Variants in WDR91 observed in about 807,000 individuals in gnomAD.
WDR91 encodes the protein WD repeat domain 91.
WDR91 carries 52 observed loss-of-function variants against 88.4 expected under a neutral mutation model. That is an observed-to-expected ratio of 0.59 (90% CI 0.47 to 0.74). The LOEUF (loss-of-function observed/expected upper bound fraction) is 0.74, where lower values mean the gene tolerates loss of function less well. WDR91 is among the 30% of genes least tolerant of loss of function. WDR91 has a pLI of 0.00. For missense variants in WDR91, 824 were observed against 954.5 expected (o/e 0.86, Z 1.80); for synonymous variants, 362 against 389.5 (o/e 0.93, Z 0.83).
chr7:135,208,856 C>CGAGAAAAGTAGGTAGCAAA lies in WDR91; in HGVS notation c.427_445dup (p.Arg149LeufsTer11). 1 of 1,614,078 alleles carries CGAGAAAAGTAGGTAGCAAA rather than the reference C, an allele frequency of 6.2e-7. No individual in the cohort carries two copies. The highest frequency in any genetic ancestry group is 8.5e-7 in the Non-Finnish European group (1 of 1,179,982). On this transcript the variant is annotated frameshift_variant, in exon 3 of 15. Transcript: ENST00000354475. LOFTEE classifies it high-confidence loss of function. ...CACAATGAAGGTGTCAGCCCACTGT[C>CGAGAAAAGTAGGTAGCAAA]GAGAAAAGTAGGTAGCAAAGGTGGG...
At chr7:135,199,852 A>C (rs1831507982) in intron 6 of WDR91, 1 of 152,200 alleles carries the variant, frequency 6.6e-6, no homozygotes, top group Non-Finnish European at 1.5e-5. Flanking sequence ...ATATTGATGG[A>C]AGGAGGAGGC....
Position 135,187,399 on chromosome 7 carries a change from A to G in WDR91, c.1882-230T>C, listed in dbSNP as rs1200071134. 2.6e-5 allele frequency among the ~76,000 whole-genome samples: 4 copies of G among 152,328 alleles called. No individual in the cohort carries two copies. In the East Asian group the frequency reaches 7.7e-4, roughly 29 times the overall value. ...ATGATTTAAGCATTTTTTAGGGAAG[A>G]AAATCTAGAAAAAGAGGCAGCAACC... On this transcript the variant is annotated intron_variant, in intron 13 of 14. Transcript: ENST00000354475.
intron 5 of WDR91, among the ~76,000 whole-genome samples, chr7:135,205,468 T>C (rs1324930514): frequency 6.6e-6 from 1 of 152,170 alleles, no homozygotes; most frequent in East Asian, 1.9e-4. Flanking sequence ...CATAAAGCTC[T>C]GAAGCAAGGC....
Position 135,208,919 on chromosome 7 carries a change from C to A in WDR91, c.383G>T (p.Trp128Leu). Residue 128 changes from tryptophan to leucine, a missense_variant, in exon 3 of 15, where the codon TGG becomes TTG. Trp to Leu is a moderately conservative substitution (Grantham distance 61). Coordinates refer to ENST00000354475, the MANE Select transcript of WDR91 (RefSeq NM_014149.4). ...GGATGGCAGGAAGGGCAGGACAAACCAATCCTTCCACTCAGCCTGGTTCTG... is the reference window on the plus strand; with the variant it reads ...GGATGGCAGGAAGGGCAGGACAAACAAATCCTTCCACTCAGCCTGGTTCTG... ...ELQNQAEWKD[W>L]FVLPFLPSPD... 6.2e-7 allele frequency: 1 copy of A among 1,614,170 alleles called. No individual in the cohort carries two copies. The highest frequency in any genetic ancestry group is 1.1e-5 in the South Asian group (1 of 91,078).
chr7:135,191,976 A>C (rs1387556121), intron 11 of WDR91, among the ~76,000 whole-genome samples: 1 of 152,218 alleles, frequency 6.6e-6, no homozygotes, highest in African/African-American at 2.4e-5. Context: ...CACGAGAGAT[A>C]GGTCTAGAGT....
Position 135,211,370 on chromosome 7 carries a change from G to C in WDR91, c.123+10C>G. On this transcript the variant is annotated intron_variant, in intron 1 of 14. Transcript: ENST00000354475. ...CGCCTCTGCCCGCGCCGCTCCCGCC[G>C]GCCTCTCACCCGGAACCCCTTCTCC... The C allele has an allele frequency of 2.5e-6, 4 of 1,604,458 alleles. No homozygotes were observed. The highest frequency in any genetic ancestry group is 3.4e-6 in the Non-Finnish European group (4 of 1,175,992).
intron 1 of WDR91, among the ~76,000 whole-genome samples, chr7:135,210,304 C>T (rs768621866): frequency 1.3e-5 from 2 of 152,054 alleles, no homozygotes; most frequent in Non-Finnish European, 2.9e-5. Context: ...GAGCTGAGAT[C>T]GTGCCACTGC....
chr7:135,208,872 C>CCCACTGTCGAGAA lies in WDR91; in HGVS notation c.429_430insTTCTCGACAGTGG (p.Ala144PhefsTer14). 1 of 1,614,150 alleles carries CCCACTGTCGAGAA rather than the reference C, an allele frequency of 6.2e-7. No individual in the cohort carries two copies. The highest frequency in any genetic ancestry group is 2.2e-5 in the East Asian group (1 of 44,888). ...GCCCACTGTCGAGAAAAGTAGGTAG[C>CCCACTGTCGAGAA]AAAGGTGGGGTTGGTGTCCGGGGAT... On this transcript the variant is annotated frameshift_variant, in exon 3 of 15. Coordinates refer to ENST00000354475, the MANE Select transcript of WDR91 (RefSeq NM_014149.4). LOFTEE classifies it high-confidence loss of function.
rs773233836 is a variant in WDR91, at chr7:135,209,641, A to G, written c.238T>C (p.Tyr80His). 3.1e-6 allele frequency: 5 copies of G among 1,613,326 alleles called. No homozygotes were observed. The highest frequency in any genetic ancestry group is 4.2e-6 in the Non-Finnish European group (5 of 1,179,712). The change falls in exon 2 of 15, where the codon TAC (tyrosine) becomes CAC (histidine). Residue 80 changes from tyrosine to histidine, a missense_variant. Coordinates refer to ENST00000354475, the MANE Select transcript of WDR91 (RefSeq NM_014149.4). ...RRLFSRLEDI[Y>H]RPTIHKLKTS... is the part of the protein sequence containing the mutation. ...TTCAGCTTGTGGATTGTGGGTCTGT[A>G]TATATCCTCCAAGCGGCTGAAGAGC...
chr7:135,187,269 G>T, intron 13 of WDR91, 100 bp from the exon 14 acceptor site: 1 of 1,215,926 alleles, frequency 8.2e-7, no homozygotes, highest in Non-Finnish European at 1.2e-6. Context: ...GCTGGCGAGG[G>T]CGACCCGCCT....
chr7:135,193,368 C>G lies in WDR91; in HGVS notation c.1522G>C (p.Ala508Pro), dbSNP rs138896907. 6.2e-7 allele frequency: 1 copy of G among 1,614,214 alleles called. No individual in the cohort carries two copies. Among genetic ancestry groups the G allele is most frequent in the South Asian group, 1.1e-5 (1 of 91,086 alleles). Residue 508 changes from alanine to proline, a missense_variant, in exon 11 of 15, where the codon GCC (alanine) becomes CCC (proline). Ala to Pro is a conservative substitution (Grantham distance 27). Transcript: ENST00000354475. ...GCTGCTGCCGAACAGACGAAAGAGGCCCCGTTGGGGCTGCACGCAAGAGAC... is the reference window on the plus strand; with the variant it reads ...GCTGCTGCCGAACAGACGAAAGAGGGCCCGTTGGGGCTGCACGCAAGAGAC... ...ILSLACSPNG[A>P]SFVCSAAAPS... is the part of the protein sequence containing the mutation.
chr7:135,205,941 C>T lies in WDR91; in HGVS notation c.712G>A (p.Gly238Arg), dbSNP rs1831757353. Reference protein sequence around the residue: ...PPYVSNMDRLGDSELAMVCSQ... With the variant: ...PPYVSNMDRLRDSELAMVCSQ... ...ACACACACTCACAGTTCCGAGTCCC[C>T]CAGGCGGTCCATGTTGGAGACATAA... The change falls in exon 5 of 15, where the codon GGG (glycine) becomes AGG (arginine). Residue 238 changes from glycine to arginine, a missense_variant. Gly to Arg is a moderately radical substitution (Grantham distance 125). Coordinates refer to ENST00000354475, the MANE Select transcript of WDR91 (RefSeq NM_014149.4). 6.2e-7 allele frequency: 1 copy of T among 1,613,628 alleles called. No homozygotes were observed. The highest frequency in any genetic ancestry group is 1.7e-5 in the Admixed American group (1 of 60,022).
intron 11 of WDR91, 95 bp downstream of exon 11, chr7:135,193,136 G>A (rs1191002370): frequency 6.6e-7 from 1 of 1,507,380 alleles, no homozygotes; most frequent in African/African-American, 1.4e-5. Context: ...AATCTGAGGA[G>A]ACCAAAGCAA....
intron 13 of WDR91, 43 bp downstream of exon 13, chr7:135,188,388 CAT>C (rs761249205): frequency 6.4e-6 from 10 of 1,559,944 alleles, no homozygotes; most frequent in East Asian, 2.2e-5. Context: ...AGCCGGCCCA[CAT>C]GTCATCCCGG....
At chr7:135,204,145 A>C in intron 6 of WDR91, 123 bp downstream of exon 6, 1 of 1,128,904 alleles carries the variant, frequency 8.9e-7, no homozygotes, top group South Asian at 1.7e-5. Context: ...TCTCATCAAC[A>C]TGCCCAAGAA....
chr7:135,209,013 G>A lies in WDR91; in HGVS notation c.304-15C>T. 1.2e-6 allele frequency: 2 copies of A among 1,610,900 alleles called. No individual in the cohort carries two copies. The highest frequency in any genetic ancestry group is 1.7e-6 in the Non-Finnish European group (2 of 1,177,758). On this transcript the variant is annotated splice_polypyrimidine_tract_variant and intron_variant, in intron 2 of 14. Transcript: ENST00000354475. ...TTTCTGTTTGTCTGCCAAGACACAAGGAGGTAGCAAGGAGGGAGGAGAGAC... is the reference window on the plus strand; with the variant it reads ...TTTCTGTTTGTCTGCCAAGACACAAAGAGGTAGCAAGGAGGGAGGAGAGAC...
At chr7:135,198,527 A>C in intron 6 of WDR91, 3 of 174,070 alleles carry the variant, frequency 1.7e-5, no homozygotes, top group African/African-American at 2.4e-5. Context: ...AAGCAACAAT[A>C]TGTTTGGGCA....
chr7:135,210,294 G>C (rs1002662052), intron 1 of WDR91, among the ~76,000 whole-genome samples: 1 of 152,204 alleles, frequency 6.6e-6, no homozygotes, highest in Admixed American at 6.5e-5. Context: ...AGGTTGCAGT[G>C]AGCTGAGATC....
At chr7:135,190,430 G>A (rs1831121331) in intron 11 of WDR91, among the ~76,000 whole-genome samples, 1 of 151,834 alleles carries the variant, frequency 6.6e-6, no homozygotes, top group Non-Finnish European at 1.5e-5. Context: ...CTCCAACCCA[G>A]GCCTCAAAAT....
Sources: allele counts gnomAD v4.1 joint callset (sites outside exome capture counted in the v4.1 genomes callset), GRCh38; gene constraint gnomAD v4.1.1; transcripts MANE v1.5; gene names NCBI Gene and HGNC (gene_info 2026-07-23, HGNC 2026-07-21).